EXOC4: variants seen among roughly 807,000 people sequenced by gnomAD.
EXOC4 encodes SEC8-like 1.
In EXOC4, 71 loss-of-function variants were observed where a neutral mutation model predicts 107.2. The ratio of observed to expected loss-of-function variants is 0.66; its 90% CI spans 0.55 to 0.81. The LOEUF is 0.81. EXOC4 is among the 30% of genes least tolerant of loss of function. The probability of loss-of-function intolerance (pLI) is 0.00; values close to 1 mark genes in which losing one functional copy is unlikely to be tolerated. For missense variants in EXOC4, 1,108 were observed against 1,189.6 expected, an observed-to-expected ratio of 0.93 and a Z score of 1.01; for synonymous variants, 456 against 441.2, an observed-to-expected ratio of 1.03 and a Z score of -0.42.
intron 2 of EXOC4, among the ~76,000 whole-genome samples, chr7:133,281,439 T>A (rs1321186183): frequency 6.7e-6 from 1 of 150,096 alleles, no homozygotes; most frequent in East Asian, 1.9e-4. Flanking sequence ...TACTTATATG[T>A]AGATTTACTT....
At position 133,587,959 on chromosome 7, in the gene EXOC4, AC is replaced by A. The variant is rs199884523; in HGVS notation, c.1418-42085del. On this transcript the variant is annotated intron_variant, in intron 9 of 17. Transcript: ENST00000253861. Reference sequence around the variant, plus strand: ...GGAGACTATAGACTGTAATTTCATCACAAAAAACATGGTGCCTGAGCTCTAA... The same window carrying A: ...GGAGACTATAGACTGTAATTTCATCAAAAAAACATGGTGCCTGAGCTCTAA... Among the ~76,000 whole-genome samples, 1,110 of 152,310 alleles carry A rather than the reference AC, an allele frequency of 7.3e-3. 13 individuals carry two copies. Among genetic ancestry groups the A allele is most frequent in the Non-Finnish European group, 9.5e-3 (649 of 68,030 alleles).
chr7:133,365,528 C>G (rs1384994921), intron 6 of EXOC4, among the ~76,000 whole-genome samples: 1 of 152,162 alleles, frequency 6.6e-6, no homozygotes, highest in Non-Finnish European at 1.5e-5. Context: ...TGACTAGCAC[C>G]AGGCCCCACT....
chr7:133,861,666 T>G (rs1023205348), intron 11 of EXOC4, among the ~76,000 whole-genome samples: 2 of 152,262 alleles, frequency 1.3e-5, no homozygotes, highest in Non-Finnish European at 1.5e-5. Context: ...CCCAAGTAGC[T>G]GGGGTTACAG....
At chr7:133,499,238 A>G (rs1219157541) in intron 9 of EXOC4, among the ~76,000 whole-genome samples, 1 of 152,104 alleles carries the variant, frequency 6.6e-6, no homozygotes, top group Non-Finnish European at 1.5e-5. Flanking sequence ...ATGTGTGTTT[A>G]TCATTCATTT....
rs935245625 is a variant in EXOC4, at chr7:133,375,095, T to C, written c.1182+93T>C. 6 of 977,466 alleles carry C rather than the reference T, an allele frequency of 6.1e-6. No homozygotes were observed. In the African/African-American group the frequency reaches 8.1e-5, roughly 13 times the overall value. The allele number at this position is 977,466 out of a possible 1,614,324, so 60.5% of individuals were successfully genotyped here. On this transcript the variant is annotated intron_variant, in intron 7 of 17. Transcript: ENST00000253861. Reference sequence around the variant, plus strand: ...CAACAACAAGCCACCTAAAACACTATCTTAAGAGTCATAAACAGGGTGAGA... The same window carrying C: ...CAACAACAAGCCACCTAAAACACTACCTTAAGAGTCATAAACAGGGTGAGA...
At chr7:133,291,818 C>T (rs1794412548) in intron 3 of EXOC4, among the ~76,000 whole-genome samples, 1 of 152,070 alleles carries the variant, frequency 6.6e-6, no homozygotes, top group African/African-American at 2.4e-5. Context: ...TTTTATCTTT[C>T]TTCTATATAG....
chr7:134,069,155 G>A (rs1467249668), downstream of EXOC4, among the ~76,000 whole-genome samples: 2 of 152,032 alleles, frequency 1.3e-5, no homozygotes, highest in Admixed American at 6.6e-5. Context: ...GGACTCTCAC[G>A]ATCCACTGTG....
the EXOC4 span, among the ~76,000 whole-genome samples, chr7:134,095,324 C>T: frequency 6.6e-6 from 1 of 152,006 alleles, no homozygotes; most frequent in Non-Finnish European, 1.5e-5. Flanking sequence ...TCATAGATGG[C>T]ACAAACAAAT....
chr7:134,007,979 A>G (rs1408047289), intron 17 of EXOC4, 144 bp downstream of exon 17: 2 of 698,380 alleles, frequency 2.9e-6, no homozygotes, highest in Non-Finnish European at 2.2e-6. Flanking sequence ...TTTAGGTCCT[A>G]TAGAGAAAAT....
At chr7:133,715,336 C>T (rs1243737266) in intron 10 of EXOC4, among the ~76,000 whole-genome samples, 1 of 152,162 alleles carries the variant, frequency 6.6e-6, no homozygotes, top group East Asian at 1.9e-4. Context: ...TTCTCATTAT[C>T]CTTTCATTTC....
chr7:133,471,754 CTGGTCTGTTGCA>C (rs1463233281), intron 7 of EXOC4, among the ~76,000 whole-genome samples: 7 of 151,896 alleles, frequency 4.6e-5, no homozygotes, highest in African/African-American at 7.3e-5. Context: ...TTTTGATTTG[CTGGTCTGTTGCA>C]TGGCCCTATG....
intron 9 of EXOC4, among the ~76,000 whole-genome samples, chr7:133,567,982 A>G (rs1434378497): frequency 2.0e-5 from 3 of 152,178 alleles, no homozygotes; most frequent in Non-Finnish European, 2.9e-5. Context: ...ACTGCCCACC[A>G]TAGTGTACCA....
chr7:133,253,162 T>G lies in EXOC4; in HGVS notation c.61T>G (p.Ser21Ala). Reference sequence around the variant, plus strand: ...CACAGTCAGCAAAAGCAAAGACCCCTCGGGGCTGCTCATCTCTGTGATCAG... The same window carrying G: ...CACAGTCAGCAAAAGCAAAGACCCCGCGGGGCTGCTCATCTCTGTGATCAG... ...RSTVSKSKDP[S>A]GLLISVIRTL... The change falls in exon 1 of 18, where the codon TCG (serine) becomes GCG (alanine). Residue 21 changes from serine to alanine, a missense_variant. Ser to Ala is a moderately conservative substitution (Grantham distance 99, BLOSUM62 1). Coordinates refer to ENST00000253861, the MANE Select transcript of EXOC4 (RefSeq NM_021807.4). The G allele has an allele frequency of 6.2e-7, 1 of 1,614,082 alleles. No homozygotes were observed. Among genetic ancestry groups the G allele is most frequent in the Non-Finnish European group, 8.5e-7 (1 of 1,179,982 alleles).
chr7:133,717,435 G>A (rs554946202), intron 10 of EXOC4, among the ~76,000 whole-genome samples: 7 of 152,282 alleles, frequency 4.6e-5, no homozygotes, highest in African/African-American at 1.7e-4. Flanking sequence ...CTGTGCACAT[G>A]CTTGCCGCCC....
At chr7:133,280,693 T>G (rs1794116282) in intron 2 of EXOC4, among the ~76,000 whole-genome samples, 1 of 152,160 alleles carries the variant, frequency 6.6e-6, no homozygotes. Flanking sequence ...GGCTTAATCA[T>G]TGAGTAATGA....
At chr7:133,513,441 C>A (rs920623171) in intron 9 of EXOC4, among the ~76,000 whole-genome samples, 1 of 152,106 alleles carries the variant, frequency 6.6e-6, no homozygotes, top group East Asian at 1.9e-4. Context: ...ACACATTTTT[C>A]TGTCTTTTTG....
chr7:134,056,281 C>T (rs1456666851), intron 17 of EXOC4, among the ~76,000 whole-genome samples: 3 of 152,176 alleles, frequency 2.0e-5, no homozygotes, highest in African/African-American at 7.2e-5. Flanking sequence ...CAGAATAGCA[C>T]TCCTTAACCT....
At chr7:133,703,716 G>A (rs973671518) in intron 10 of EXOC4, among the ~76,000 whole-genome samples, 2 of 152,158 alleles carry the variant, frequency 1.3e-5, no homozygotes, top group African/African-American at 4.8e-5. Flanking sequence ...TCCCAACACA[G>A]CTGTTCTGTC....
intron 9 of EXOC4, chr7:133,551,674 A>G (rs1800592233): frequency 6.6e-6 from 1 of 152,104 alleles, no homozygotes; most frequent in Non-Finnish European, 1.5e-5. Context: ...AAGCATATGG[A>G]TCTCCATATG....
Sources: allele counts gnomAD v4.1 joint callset (sites outside exome capture counted in the v4.1 genomes callset), GRCh38; gene constraint gnomAD v4.1.1; transcripts MANE v1.5; gene names NCBI Gene and HGNC (gene_info 2026-07-23, HGNC 2026-07-21).